Variants in LRFN5 observed in about 807,000 individuals in gnomAD.
LRFN5 encodes the protein leucine-rich repeat and fibronectin type-III domain-containing protein 5.
LRFN5 carries 24 observed loss-of-function variants against 45.6 expected under a neutral mutation model. The ratio of observed to expected loss-of-function variants is 0.53; its 90% CI spans 0.38 to 0.74. The LOEUF (loss-of-function observed/expected upper bound fraction) is 0.74, where lower values mean the gene tolerates loss of function less well. LRFN5 is among the 30% of genes least tolerant of loss of function. LRFN5 has a pLI of 0.00. For missense variants in LRFN5, 776 were observed against 861.5 expected, an observed-to-expected ratio of 0.90 and a Z score of 1.24; for synonymous variants, 340 against 313.8, an observed-to-expected ratio of 1.08 and a Z score of -0.88.
rs373882846 is a variant in LRFN5 at position 41,715,385 on chromosome 14, A to G, written c.-196-51469A>G. On this transcript the variant is annotated intron_variant, in intron 1 of 5. Transcript: ENST00000298119. ...TGAAGAGGTTTCAATTAGGTTAACA[A>G]TGTAGAACATTCTATGGTTCCATAT... 7.2e-5 allele frequency among the ~76,000 whole-genome samples: 11 copies of G among 152,332 alleles called. No individual in the cohort carries two copies. The East Asian group carries it at 1.7e-3, about 24-fold the overall frequency.
intron 2 of LRFN5, among the ~76,000 whole-genome samples, chr14:41,805,390 T>TTTAATTTA (rs576773921): frequency 6.8e-6 from 1 of 146,132 alleles, no homozygotes; most frequent in African/African-American, 2.5e-5. Context: ...ATAAGTTTTA[T>TTTAATTTA]TTTATTTATT....
chr14:41,617,488 C>CA (rs1192346737), intron 1 of LRFN5, among the ~76,000 whole-genome samples: 5 of 152,080 alleles, frequency 3.3e-5, no homozygotes, highest in African/African-American at 7.2e-5. Context: ...TTGATTATTA[C>CA]AAAAAATGTG....
chr14:41,850,649 T>G (rs1288011589), intron 2 of LRFN5, among the ~76,000 whole-genome samples: 1 of 151,852 alleles, frequency 6.6e-6, no homozygotes, highest in East Asian at 1.9e-4. Flanking sequence ...TATAGATATA[T>G]TTTCTTTCTT....
At chr14:41,845,958 G>A (rs559513505) in intron 2 of LRFN5, among the ~76,000 whole-genome samples, 20 of 152,242 alleles carry the variant, frequency 1.3e-4, no homozygotes, top group South Asian at 1.0e-3. Context: ...CTTAACACTT[G>A]TTAAAGTATT....
At chr14:41,625,525 G>T (rs113809233) in intron 1 of LRFN5, among the ~76,000 whole-genome samples, 1 of 152,100 alleles carries the variant, frequency 6.6e-6, no homozygotes, top group African/African-American at 2.4e-5. Context: ...TCATAGCAGC[G>T]TGAGAATGGA....
At chr14:41,659,692 T>C (rs1178600583) in intron 1 of LRFN5, among the ~76,000 whole-genome samples, 8 of 152,158 alleles carry the variant, frequency 5.3e-5, no homozygotes, top group Admixed American at 4.6e-4. Flanking sequence ...TTCCTCTTTT[T>C]CCACATCCTC....
At chr14:41,827,312 G>T (rs539489095) in intron 2 of LRFN5, among the ~76,000 whole-genome samples, 1 of 152,068 alleles carries the variant, frequency 6.6e-6, no homozygotes, top group Non-Finnish European at 1.5e-5. Context: ...TTTCTCAGCT[G>T]CTTAAAAAGA....
intron 2 of LRFN5, among the ~76,000 whole-genome samples, chr14:41,876,709 C>T (rs913878021): frequency 5.9e-5 from 9 of 152,066 alleles, no homozygotes; most frequent in African/African-American, 2.2e-4. Context: ...CCCTCTCTTT[C>T]ATCCTTCCTG....
intron 2 of LRFN5, among the ~76,000 whole-genome samples, chr14:41,775,671 A>C (rs1409325702): frequency 6.6e-6 from 1 of 152,244 alleles, no homozygotes; most frequent in Non-Finnish European, 1.5e-5. Context: ...ATTTTAACGC[A>C]GAAATCATCC....
rs1252271437 is a variant in LRFN5 at position 41,871,929 on chromosome 14, GGTAA to G, written c.-20-14675_-20-14672del. ...CACATATTTAACCAATAACCATGTT[GGTAA>G]GCTTTTTTTAATTATTATTTTACAT... is the stretch of plus-strand genomic sequence containing the variant. On this transcript the variant is annotated intron_variant, in intron 2 of 5. Coordinates refer to ENST00000298119, the MANE Select transcript of LRFN5 (RefSeq NM_152447.5). Among the ~76,000 whole-genome samples, 8 of 152,170 alleles carry G rather than the reference GGTAA, an allele frequency of 5.3e-5. No homozygotes were observed. In the South Asian group the frequency reaches 1.5e-3, roughly 28 times the overall value.
At chr14:41,842,072 G>A (rs147620772) in intron 2 of LRFN5, among the ~76,000 whole-genome samples, 7 of 151,896 alleles carry the variant, frequency 4.6e-5, no homozygotes, top group Non-Finnish European at 8.8e-5. Context: ...GAATATGGTG[G>A]GACTAATTAT....
At chr14:41,882,174 G>A (rs1890402051) in intron 2 of LRFN5, among the ~76,000 whole-genome samples, 1 of 152,032 alleles carries the variant, frequency 6.6e-6, no homozygotes, top group African/African-American at 2.4e-5. Flanking sequence ...TTACAGCTCT[G>A]GGGCCAGATT....
intron 1 of LRFN5, among the ~76,000 whole-genome samples, chr14:41,704,702 G>T (rs1283447001): frequency 6.6e-6 from 1 of 151,914 alleles, no homozygotes; most frequent in Non-Finnish European, 1.5e-5. Flanking sequence ...TAGTTGCAGA[G>T]GTGTTTCTTA....
chr14:41,615,781 A>T lies in LRFN5; in HGVS notation c.-197+7219A>T, dbSNP rs184731863. Among the ~76,000 whole-genome samples, 357 of 152,210 alleles carry T rather than the reference A, an allele frequency of 2.3e-3. 1 individual carries two copies. The highest frequency in any genetic ancestry group is 8.1e-3 in the African/African-American group (337 of 41,546). On this transcript the variant is annotated intron_variant, in intron 1 of 5. Coordinates refer to ENST00000298119, the MANE Select transcript of LRFN5 (RefSeq NM_152447.5). The stretch of plus-strand genomic sequence containing the variant: ...TTCTTAACATATATACCTCTTTTTT[A>T]AAAAAATAAAAATTATTTTTAAACA...
chr14:41,894,672 A>G, intron 4 of LRFN5: 1 of 985,286 alleles, frequency 1.0e-6, no homozygotes, highest in African/African-American at 1.7e-5. Context: ...AAAGGTGGGA[A>G]TGATATTACC....
chr14:41,809,466 A>T (rs1427766542), intron 2 of LRFN5, among the ~76,000 whole-genome samples: 1 of 151,968 alleles, frequency 6.6e-6, no homozygotes, highest in African/African-American at 2.4e-5. Flanking sequence ...CAATCATTAC[A>T]TTTCTCCAAG....
At chr14:41,758,696 A>G (rs1246854954) in intron 1 of LRFN5, among the ~76,000 whole-genome samples, 1 of 152,198 alleles carries the variant, frequency 6.6e-6, no homozygotes, top group Non-Finnish European at 1.5e-5. Context: ...ATTCATCTTT[A>G]GTTCTTCATT....
At position 41,891,615 on chromosome 14, in the gene LRFN5, C is replaced by T. The variant is rs746406852; in HGVS notation, c.1751C>T (p.Thr584Met). 1.9e-6 allele frequency: 3 copies of T among 1,614,134 alleles called. No homozygotes were observed. Among genetic ancestry groups the T allele is most frequent in the Non-Finnish European group, 1.7e-6 (2 of 1,180,030 alleles). Residue 584 changes from threonine to methionine, a missense_variant, in exon 4 of 6, where the codon ACG becomes ATG. Thr to Met is a moderately conservative substitution (Grantham distance 81, BLOSUM62 -1). Transcript: ENST00000298119. The part of the protein sequence containing the change: ...NGAQIQGCSV[T>M]LPQSVSKQAV... ...GCTCAAATACAAGGCTGTAGTGTAACGCTGCCCCAGTCCGTGTCCAAACAA... is the reference window on the plus strand; with the variant it reads ...GCTCAAATACAAGGCTGTAGTGTAATGCTGCCCCAGTCCGTGTCCAAACAA...
At chr14:41,821,770 G>A (rs1056171856) in intron 2 of LRFN5, among the ~76,000 whole-genome samples, 2 of 147,750 alleles carry the variant, frequency 1.4e-5, no homozygotes, top group African/African-American at 2.6e-5. Context: ...CGTGGGGTGG[G>A]GGAGGGATTT....
Sources: allele counts gnomAD v4.1 joint callset (sites outside exome capture counted in the v4.1 genomes callset), GRCh38; gene constraint gnomAD v4.1.1; transcripts MANE v1.5; gene names NCBI Gene and HGNC (gene_info 2026-07-23, HGNC 2026-07-21).